The following SLC35F4 variants were observed in gnomAD, a reference collection of about 807,000 sequenced individuals.
SLC35F4 encodes the protein solute carrier family 35 member F4.
SLC35F4 carries 24 observed loss-of-function variants against 44.2 expected under a neutral mutation model. That is an observed-to-expected ratio of 0.54 (90% CI 0.39 to 0.76). The LOEUF is 0.76. Ranked by LOEUF, SLC35F4 falls within the 30% of genes least tolerant of loss-of-function variation. The pLI, the probability that SLC35F4 is intolerant of heterozygous loss-of-function variation, is 0.00. For synonymous variants in SLC35F4, 238 were observed against 223.6 expected (o/e 1.06, Z -0.57); for missense variants, 562 against 586.1 (o/e 0.96, Z 0.42).
chr14:57,700,684 T>C (rs1221634054), intron 1 of SLC35F4, among the ~76,000 whole-genome samples: 1 of 151,988 alleles, frequency 6.6e-6, no homozygotes, highest in African/African-American at 2.4e-5. Context: ...GGTGGATTGC[T>C]TGAGTCCAGG....
chr14:57,593,858 C>T (rs1594980117), intron 2 of SLC35F4, 81 bp downstream of exon 2: 2 of 1,474,106 alleles, frequency 1.4e-6, no homozygotes, highest in Non-Finnish European at 1.9e-6. Context: ...AACATCTCTG[C>T]ATTCTGTGAC....
In SLC35F4 at chr14:57,801,411, T is replaced by G. The variant is rs533166779; in HGVS notation, c.103+64312A>C. Among the ~76,000 whole-genome samples, 3 of 152,208 alleles carry G rather than the reference T, an allele frequency of 2.0e-5. No homozygotes were observed. In the East Asian group the frequency reaches 5.8e-4, roughly 29 times the overall value. ...AAACCATTACCAGCCACTATAAAAATACACTGAAGCACACAGACCAGTGAC... is the reference window on the plus strand; with the variant it reads ...AAACCATTACCAGCCACTATAAAAAGACACTGAAGCACACAGACCAGTGAC... On this transcript the variant is annotated intron_variant, in intron 1 of 7. Coordinates refer to ENST00000556826, the MANE Select transcript of SLC35F4 (RefSeq NM_001306087.2).
chr14:57,921,196 C>T (rs144316461), intron 1 of SLC35F4, among the ~76,000 whole-genome samples: 82 of 152,296 alleles, frequency 5.4e-4, no homozygotes, highest in African/African-American at 1.8e-3. Context: ...AATGATAGCA[C>T]GGAAACCAGA....
chr14:57,879,327 A>T (rs1283602839), intron 1 of SLC35F4, among the ~76,000 whole-genome samples: 2 of 152,090 alleles, frequency 1.3e-5, no homozygotes, highest in Non-Finnish European at 2.9e-5. Flanking sequence ...GGGGGTCATA[A>T]TAAGACTCAT....
chr14:57,787,913 CT>C (rs1405086053), intron 1 of SLC35F4, among the ~76,000 whole-genome samples: 1 of 152,100 alleles, frequency 6.6e-6, no homozygotes, highest in African/African-American at 2.4e-5. Flanking sequence ...GTGATGGTAC[CT>C]CTTATTTCAA....
At chr14:57,866,444 C>T (rs1253399147), upstream of SLC35F4, among the ~76,000 whole-genome samples, 1 of 152,158 alleles carries the variant, frequency 6.6e-6, no homozygotes, top group Non-Finnish European at 1.5e-5. Flanking sequence ...AGCATTCCCC[C>T]GCGTTAGTCA....
Position 57,646,537 on chromosome 14 carries a change from G to T in SLC35F4, c.104-52413C>A, listed in dbSNP as rs138950639. Among the ~76,000 whole-genome samples the T allele has an allele frequency of 9.2e-5, 14 of 151,938 alleles. No homozygotes were observed. In the South Asian group the frequency reaches 2.3e-3, roughly 25 times the overall value. On this transcript the variant is annotated intron_variant, in intron 1 of 7. Transcript: ENST00000556826. ...CTTTTCTTCTTTATTAGTTGCTAGC[G>T]GTCTATCTATTTTGTTGATCTTTTC...
chr14:57,620,048 G>C (rs1227831332), intron 1 of SLC35F4, among the ~76,000 whole-genome samples: 4 of 152,138 alleles, frequency 2.6e-5, no homozygotes, highest in African/African-American at 9.7e-5. Flanking sequence ...TATGTGAAAA[G>C]ACCAAATGTG....
intron 1 of SLC35F4, among the ~76,000 whole-genome samples, chr14:57,981,129 G>A (rs536319407): frequency 1.3e-5 from 2 of 152,300 alleles, no homozygotes; most frequent in Admixed American, 6.5e-5. Flanking sequence ...GGGCACTTGG[G>A]AACACCAGCG....
chr14:57,741,178 C>G (rs532937638), intron 1 of SLC35F4, among the ~76,000 whole-genome samples: 60 of 152,348 alleles, frequency 3.9e-4, no homozygotes, highest in Non-Finnish European at 3.4e-4. Flanking sequence ...AGCGCCTCTT[C>G]TCCTCCAAAG....
At chr14:57,925,532 AGGGAGGGAGGG>A (rs1889550250) in intron 1 of SLC35F4, among the ~76,000 whole-genome samples, 1 of 44,940 alleles carries the variant, frequency 2.2e-5, no homozygotes, top group Non-Finnish European at 4.3e-5. Context: ...GGAGGGAGGG[AGGGAGGGAGGG>A]AGGAAGGAAG....
chr14:57,948,144 A>G (rs1890068491), intron 1 of SLC35F4, among the ~76,000 whole-genome samples: 1 of 152,258 alleles, frequency 6.6e-6, no homozygotes, highest in Middle Eastern at 3.4e-3. Context: ...GATAAAATTC[A>G]ACTGTGAATC....
intron 1 of SLC35F4, among the ~76,000 whole-genome samples, chr14:57,620,609 A>G (rs1161508792): frequency 6.6e-6 from 1 of 152,226 alleles, no homozygotes; most frequent in Non-Finnish European, 1.5e-5. Flanking sequence ...CCAGTTTTCA[A>G]AGGGAATGCT....
At chr14:57,730,497 T>C (rs1464823566) in intron 1 of SLC35F4, among the ~76,000 whole-genome samples, 3 of 152,186 alleles carry the variant, frequency 2.0e-5, no homozygotes, top group Non-Finnish European at 4.4e-5. Context: ...TACTATGTTG[T>C]CATGAGTTTT....
chr14:57,806,550 C>T (rs1434309588), intron 1 of SLC35F4, among the ~76,000 whole-genome samples: 2 of 152,128 alleles, frequency 1.3e-5, no homozygotes, highest in Admixed American at 1.3e-4. Flanking sequence ...AGTTAGCATG[C>T]TCTTTCTCCC....
intron 1 of SLC35F4, among the ~76,000 whole-genome samples, chr14:57,858,258 T>A (rs369149484): frequency 6.6e-6 from 1 of 151,932 alleles, no homozygotes; most frequent in Admixed American, 6.5e-5. Flanking sequence ...CTATTCACAA[T>A]AGCAAAGACT....
intron 1 of SLC35F4, among the ~76,000 whole-genome samples, chr14:57,892,303 T>C (rs1025806051): frequency 2.6e-5 from 4 of 152,204 alleles, no homozygotes; most frequent in African/African-American, 4.8e-5. Context: ...TGAAGAACAC[T>C]GCCTAGATGC....
In SLC35F4 at chr14:57,626,528, A is replaced by G. The variant is rs559240725; in HGVS notation, c.104-32404T>C. Reference sequence around the variant, plus strand: ...GGAGGTCCTGAAATACTGTAAAACTATATCAAAAAAATTATGTGTATGTGC... The same window carrying G: ...GGAGGTCCTGAAATACTGTAAAACTGTATCAAAAAAATTATGTGTATGTGC... On this transcript the variant is annotated intron_variant, in intron 1 of 7. Transcript: ENST00000556826. Among the ~76,000 whole-genome samples, 5 of 152,254 alleles carry G rather than the reference A, an allele frequency of 3.3e-5. No homozygotes were observed. The South Asian group carries it at 6.2e-4, about 19-fold the overall frequency.
intron 5 of SLC35F4, among the ~76,000 whole-genome samples, chr14:57,570,591 C>G (rs900157905): frequency 6.6e-6 from 1 of 152,168 alleles, no homozygotes; most frequent in Non-Finnish European, 1.5e-5. Flanking sequence ...AATCACACAA[C>G]AGATTACAGA....
Sources: gnomAD v4.1 joint callset for allele counts (sites outside exome capture counted in the v4.1 genomes callset) on GRCh38, gnomAD v4.1.1 for gene constraint, MANE v1.5 for transcripts, NCBI Gene and HGNC (gene_info 2026-07-23, HGNC 2026-07-21) for gene names.